Variants in DYSF observed in about 807,000 individuals in gnomAD.
DYSF encodes the protein dysferlin, also known as dystrophy-associated fer-1-like 1.
In DYSF, 212 loss-of-function variants were observed where a neutral mutation model predicts 274.9. That is an observed-to-expected ratio of 0.77 (90% CI 0.69 to 0.86). DYSF has a LOEUF of 0.86. Ranked by LOEUF, DYSF falls within the 40% of genes least tolerant of loss-of-function variation. The pLI, the probability that DYSF is intolerant of heterozygous loss-of-function variation, is 0.00. For synonymous variants in DYSF, 1,091 were observed against 1,078.7 expected (o/e 1.01, Z -0.22); for missense variants, 2,666 against 2,783.2 (o/e 0.96, Z 0.95).
chr2:71,526,925 C>A (rs1215059794), intron 13 of DYSF, among the ~76,000 whole-genome samples: 1 of 152,264 alleles, frequency 6.6e-6, no homozygotes, highest in Non-Finnish European at 1.5e-5. Flanking sequence ...GGGCACCCGA[C>A]TTGCAACCAT....
At chr2:71,621,458 G>A (rs1337631703) in intron 41 of DYSF, among the ~76,000 whole-genome samples, 1 of 152,128 alleles carries the variant, frequency 6.6e-6, no homozygotes, top group Admixed American at 6.5e-5. Context: ...ATTCCTACCA[G>A]TTTATGATAG....
chr2:71,469,252 G>C (rs1377901438), intron 1 of DYSF, among the ~76,000 whole-genome samples: 1 of 152,166 alleles, frequency 6.6e-6, no homozygotes, highest in Non-Finnish European at 1.5e-5. Flanking sequence ...GAAACCGTTA[G>C]AACCAGGTTC....
chr2:71,668,710 G>T, intron 48 of DYSF, 44 bp from the exon 49 acceptor site: 1 of 1,591,204 alleles, frequency 6.3e-7, no homozygotes. Context: ...GTAACAGCTG[G>T]TTAAATGAGA....
intron 3 of DYSF, among the ~76,000 whole-genome samples, 184 bp from the exon 4 acceptor site, chr2:71,503,030 G>A (rs1307420922): frequency 2.0e-5 from 3 of 152,138 alleles, no homozygotes; most frequent in African/African-American, 7.2e-5. Context: ...TAGGGGCCAG[G>A]CCTTCCAGGG....
At chr2:71,578,094 A>C (rs1021874573) in intron 30 of DYSF, among the ~76,000 whole-genome samples, 1 of 152,314 alleles carries the variant, frequency 6.6e-6, no homozygotes, top group South Asian at 2.1e-4. Flanking sequence ...AGCACTTCTC[A>C]GACTTAGCAA....
chr2:71,490,109 G>A (rs2083704219), intron 3 of DYSF, among the ~76,000 whole-genome samples: 1 of 152,138 alleles, frequency 6.6e-6, no homozygotes, highest in African/African-American at 2.4e-5. Context: ...ACACCCGGCT[G>A]TACCTGAGTG....
At chr2:71,526,405 T>TGGGGGGGGGGGGG in intron 13 of DYSF, 59 bp downstream of exon 13, 2 of 370,348 alleles carry the variant, frequency 5.4e-6, no homozygotes, top group South Asian at 3.3e-5. Flanking sequence ...GCAGGGCTGG[T>TGGGGGGGGGGGGG]GGGGGTGGGC....
At position 71,480,874 on chromosome 2, in the gene DYSF, C is replaced by T. The variant is rs2152680440; in HGVS notation, c.92-9C>T. The T allele has an allele frequency of 6.2e-7, 1 of 1,613,400 alleles. No individual in the cohort carries two copies. Among genetic ancestry groups the T allele is most frequent in the Middle Eastern group, 1.6e-4 (1 of 6,062 alleles). On this transcript the variant is annotated splice_polypyrimidine_tract_variant and intron_variant, in intron 1 of 55. Transcript: ENST00000410020. ...TGTCTCTCCATTCTCCCTTTTGTGT[C>T]TCTTGTAGGGGTGAAGAAGAGAACC...
intron 3 of DYSF, among the ~76,000 whole-genome samples, chr2:71,493,167 G>A (rs1404358995): frequency 6.6e-6 from 1 of 152,182 alleles, no homozygotes; most frequent in Non-Finnish European, 1.5e-5. Flanking sequence ...GGGATTACAG[G>A]AGGGAGCTAC....
rs1396134986 is a variant in DYSF, at chr2:71,453,942, C to G, written c.-57C>G. The G allele has an allele frequency of 6.9e-6, 11 of 1,583,744 alleles. No individual in the cohort carries two copies. In the Admixed American group the frequency reaches 1.9e-4, roughly 27 times the overall value. ...CCCACAAGCGGCGCCTCGGCCCTCC[C>G]GACCTTTCCGAGCCCTCTTTGCGCC... is the stretch of plus-strand genomic sequence containing the variant. On this transcript the variant is annotated 5_prime_UTR_variant, in exon 1 of 55. Coordinates refer to the DYSF transcript ENST00000258104.
chr2:71,526,407 G>C, intron 13 of DYSF, 61 bp downstream of exon 13: 2 of 1,537,258 alleles, frequency 1.3e-6, no homozygotes, highest in Non-Finnish European at 1.8e-6. Context: ...AGGGCTGGTG[G>C]GGGTGGGCGA....
intron 30 of DYSF, among the ~76,000 whole-genome samples, chr2:71,586,293 G>C (rs1328885292): frequency 6.6e-6 from 1 of 152,136 alleles, no homozygotes; most frequent in Non-Finnish European, 1.5e-5. Context: ...GGCTCTGGGG[G>C]GTGTGTCTCC....
intron 6 of DYSF, among the ~76,000 whole-genome samples, 179 bp downstream of exon 6, chr2:71,513,511 C>T (rs949323317): frequency 5.9e-5 from 9 of 152,204 alleles, no homozygotes; most frequent in African/African-American, 2.2e-4. Flanking sequence ...GACTGACTGC[C>T]CTCAAGTTTC....
rs534039624 is a variant in DYSF, at chr2:71,686,568, G to A, written c.*76G>A. 2.0e-5 allele frequency: 31 copies of A among 1,571,244 alleles called. No individual in the cohort carries two copies. Among genetic ancestry groups the A allele is most frequent in the Non-Finnish European group, 2.4e-5 (27 of 1,144,140 alleles). ...CTGGCCTGCCTCCTCCGCCCAGCTC[G>A]GCGAGCTCCTCCAGACCTCCTAGGC... On this transcript the variant is annotated 3_prime_UTR_variant, in exon 56 of 56. Coordinates refer to ENST00000410020, the MANE Select transcript of DYSF (RefSeq NM_001130987.2).
At chr2:71,465,247 C>T (rs1007771682), upstream of DYSF, among the ~76,000 whole-genome samples, 4 of 152,074 alleles carry the variant, frequency 2.6e-5, no homozygotes, top group East Asian at 1.9e-4. Context: ...GGTCTATGCC[C>T]AAGTGTCCAG....
At chr2:71,577,672 A>T (rs13410072) in intron 30 of DYSF, among the ~76,000 whole-genome samples, 1 of 100,448 alleles carries the variant, frequency 1.0e-5, no homozygotes, top group Non-Finnish European at 2.4e-5. Context: ...ACACGCACCC[A>T]CACACACTCT....
At chr2:71,670,499 G>A (rs2095100684) in intron 51 of DYSF, among the ~76,000 whole-genome samples, 1 of 152,130 alleles carries the variant, frequency 6.6e-6, no homozygotes, top group Non-Finnish European at 1.5e-5. Context: ...TCCAAGCTAG[G>A]TCACAGTCCA....
intron 1 of DYSF, among the ~76,000 whole-genome samples, chr2:71,479,068 C>G (rs547109775): frequency 6.6e-6 from 1 of 151,568 alleles, no homozygotes; most frequent in South Asian, 2.1e-4. Context: ...GTGGTCCAGG[C>G]AGGACTCTCT....
At chr2:71,619,844 C>T (rs911663329) in intron 40 of DYSF, among the ~76,000 whole-genome samples, 2 of 152,200 alleles carry the variant, frequency 1.3e-5, no homozygotes, top group Admixed American at 6.5e-5. Flanking sequence ...TTCCTGCCTT[C>T]AGCCCTGAGC....
Sources: gnomAD v4.1 joint callset for allele counts (sites outside exome capture counted in the v4.1 genomes callset) on GRCh38, gnomAD v4.1.1 for gene constraint, MANE v1.5 for transcripts, NCBI Gene and HGNC (gene_info 2026-07-23, HGNC 2026-07-21) for gene names.